MYL11: variants seen among roughly 807,000 people sequenced by gnomAD.
MYL11 encodes the protein myosin light chain 11.
the MYL11 span, among the ~76,000 whole-genome samples, chr16:30,373,333 C>T: frequency 1.3e-5 from 2 of 152,114 alleles, no homozygotes; most frequent in South Asian, 2.1e-4. Context: ...CGGTGGCTCA[C>T]GCCTGTAATC....
the MYL11 span, among the ~76,000 whole-genome samples, chr16:30,374,045 G>A: frequency 6.6e-6 from 1 of 152,074 alleles, no homozygotes; most frequent in Non-Finnish European, 1.5e-5. Flanking sequence ...AGGCGCAGTG[G>A]CTCACACCTG....
At chr16:30,374,861 G>A in the MYL11 span, 1 of 1,613,550 alleles carries the variant, frequency 6.2e-7, no homozygotes, top group East Asian at 2.2e-5. Context: ...TGAAGACATG[G>A]TGAGTGAGAA....
At chr16:30,374,037 G>A in the MYL11 span, among the ~76,000 whole-genome samples, 1 of 152,062 alleles carries the variant, frequency 6.6e-6, no homozygotes, top group Non-Finnish European at 1.5e-5. Flanking sequence ...CGGGGGCCAG[G>A]CGCAGTGGCT....
chr16:30,375,266 G>A, the MYL11 span, among the ~76,000 whole-genome samples: 2 of 152,098 alleles, frequency 1.3e-5, no homozygotes, highest in South Asian at 4.1e-4. Context: ...AGGAGTTCGA[G>A]ACCAGCCTGG....
chr16:30,377,859 T>C, the MYL11 span: 12 of 1,613,936 alleles, frequency 7.4e-6, no homozygotes, highest in South Asian at 1.3e-4. Context: ...CAAAAACATC[T>C]GCTACGTCAT....
chr16:30,377,136 C>G, the MYL11 span, among the ~76,000 whole-genome samples: 70 of 152,032 alleles, frequency 4.6e-4, 1 homozygote, highest in Admixed American at 2.0e-3. Flanking sequence ...TCGCTTGAAC[C>G]CTGGAGTCGG....
the MYL11 span, chr16:30,376,681 C>T: frequency 6.2e-7 from 1 of 1,614,010 alleles, no homozygotes. Context: ...AGGGAAAGGG[C>T]ACCATCAAGA....
chr16:30,374,882 C>A, the MYL11 span: 1 of 1,613,048 alleles, frequency 6.2e-7, no homozygotes, highest in Non-Finnish European at 8.5e-7. Flanking sequence ...TCCTCCAACC[C>A]CTGCCCAGAT....
At chr16:30,373,892 C>G in the MYL11 span, among the ~76,000 whole-genome samples, 1 of 152,282 alleles carries the variant, frequency 6.6e-6, no homozygotes, top group South Asian at 2.1e-4. Context: ...ACACACTTGA[C>G]TATGAACTCC....
At chr16:30,376,736 C>T in the MYL11 span, 339 of 1,584,114 alleles carry the variant, frequency 2.1e-4, 4 homozygotes, top group African/African-American at 2.9e-3. Context: ...ACCCTTCCCC[C>T]ACTCCACCAG....
the MYL11 span, chr16:30,377,594 G>T: frequency 7.1e-7 from 1 of 1,409,936 alleles, no homozygotes; most frequent in Non-Finnish European, 9.4e-7. Context: ...GATGAGGTGC[G>T]AGGGAGTGGA....
the MYL11 span, chr16:30,376,705 A>G: frequency 1.2e-6 from 2 of 1,612,736 alleles, no homozygotes; most frequent in African/African-American, 1.3e-5. Flanking sequence ...AGTTGTAAGC[A>G]TCGGCTCCCC....
the MYL11 span, chr16:30,376,820 G>A: frequency 2.1e-6 from 2 of 938,176 alleles, no homozygotes; most frequent in Non-Finnish European, 3.3e-6. Context: ...TAATCCCAGT[G>A]CTTTGGGAGG....
At chr16:30,376,683 C>T in the MYL11 span, 40 of 1,613,846 alleles carry the variant, frequency 2.5e-5, no homozygotes, top group Non-Finnish European at 3.3e-5. Context: ...GGAAAGGGCA[C>T]CATCAAGAAG....
At chr16:30,374,908 G>A in the MYL11 span, 4 of 1,602,782 alleles carry the variant, frequency 2.5e-6, no homozygotes, top group East Asian at 2.2e-5. Context: ...AGACCTCAGG[G>A]CAGCCTCACC....
the MYL11 span, chr16:30,377,844 G>T: frequency 1.2e-6 from 2 of 1,614,114 alleles, no homozygotes; most frequent in African/African-American, 1.3e-5. Flanking sequence ...CGGCAACGTC[G>T]ACTACAAAAA....
chr16:30,375,897 C>A, the MYL11 span: 3 of 1,614,024 alleles, frequency 1.9e-6, no homozygotes, highest in Non-Finnish European at 2.5e-6. Context: ...AGACTCAGAT[C>A]CAGGAGTTCA....
At chr16:30,374,748 G>A in the MYL11 span, 2 of 1,438,040 alleles carry the variant, frequency 1.4e-6, no homozygotes, top group East Asian at 4.9e-5. Context: ...ACCTTGGTAT[G>A]TTAAGGGCTC....
At chr16:30,376,230 C>T in the MYL11 span, 2 of 1,613,076 alleles carry the variant, frequency 1.2e-6, no homozygotes. Flanking sequence ...GGTGAGCCCC[C>T]TACCCCCAGG....
Sources: allele counts gnomAD v4.1 joint callset (sites outside exome capture counted in the v4.1 genomes callset), GRCh38; gene constraint gnomAD v4.1.1; transcripts MANE v1.5; gene names NCBI Gene and HGNC (gene_info 2026-07-23, HGNC 2026-07-21).